Variants in RAMP3 observed in about 807,000 individuals in gnomAD.
RAMP3 encodes receptor activity modifying protein 3.
Under a neutral mutation model 13.5 loss-of-function variants are expected in RAMP3, and 14 were observed. The observed-to-expected ratio is 1.04, with a 90% CI of 0.69 to 1.63. The LOEUF (loss-of-function observed/expected upper bound fraction) is 1.63. RAMP3 is among the 40% of genes most tolerant of loss of function. RAMP3 has a pLI of 0.00. For synonymous variants in RAMP3, 106 were observed against 88.3 expected (o/e 1.20, Z -1.12); for missense variants, 200 against 204.8 (o/e 0.98, Z 0.14).
intron 1 of RAMP3, 99 bp downstream of exon 1, chr7:45,157,985 C>A: frequency 8.5e-7 from 1 of 1,170,256 alleles, no homozygotes; most frequent in Non-Finnish European, 1.1e-6. Context: ...CGCGGTCCTT[C>A]CCTTGCCCCG....
intron 1 of RAMP3, among the ~76,000 whole-genome samples, chr7:45,166,888 G>T (rs1785972089): frequency 2.0e-5 from 3 of 150,858 alleles, no homozygotes; most frequent in Admixed American, 1.3e-4. Flanking sequence ...CTATTCTTGT[G>T]CCTCAGCCTC....
intron 1 of RAMP3, 97 bp from the exon 2 acceptor site, chr7:45,177,212 G>A: frequency 1.1e-5 from 17 of 1,511,120 alleles, no homozygotes; most frequent in Non-Finnish European, 1.5e-5. Flanking sequence ...ACGGAGCCTT[G>A]CTAGTGAGTA....
At position 45,183,211 on chromosome 7, in the gene RAMP3, C is replaced by T; in HGVS notation, c.246C>T (p.Cys82=). 1 of 1,613,672 alleles carries T rather than the reference C, an allele frequency of 6.2e-7. No homozygotes were observed. Among genetic ancestry groups the T allele is most frequent in the Non-Finnish European group, 8.5e-7 (1 of 1,180,018 alleles). The change falls in exon 3 of 3, where the codon TGC becomes TGT. Residue 82 remains cysteine, a synonymous_variant. Transcript: ENST00000242249. ...CTEMEANVVG[C]YWPNPLAQGF... ...AGATGGAGGCCAATGTCGTGGGCTGCTACTGGCCCAACCCCCTGGCCCAGG... is the reference window on the plus strand; with the variant it reads ...AGATGGAGGCCAATGTCGTGGGCTGTTACTGGCCCAACCCCCTGGCCCAGG...
chr7:45,162,580 A>T (rs1223298625), intron 1 of RAMP3, among the ~76,000 whole-genome samples: 1 of 152,166 alleles, frequency 6.6e-6, no homozygotes, highest in East Asian at 1.9e-4. Context: ...GTGAGGAAGC[A>T]GCTGACCCAC....
chr7:45,183,139 C>A lies in RAMP3; in HGVS notation c.192-18C>A, dbSNP rs1300908332. On this transcript the variant is annotated intron_variant, in intron 2 of 2. Coordinates refer to ENST00000242249, the MANE Select transcript of RAMP3 (RefSeq NM_005856.3). Reference sequence around the variant, plus strand: ...GGGGATGGCGAGAGCCTGGCTTTCACCCCCTCTGCTTTTGCAGGTACTATG... The same window carrying A: ...GGGGATGGCGAGAGCCTGGCTTTCAACCCCTCTGCTTTTGCAGGTACTATG... 2 of 1,606,422 alleles carry A rather than the reference C, an allele frequency of 1.2e-6. No individual in the cohort carries two copies. The highest frequency in any genetic ancestry group is 1.7e-6 in the Non-Finnish European group (2 of 1,178,942).
chr7:45,181,309 T>C (rs1021342741), intron 2 of RAMP3, among the ~76,000 whole-genome samples: 2 of 152,224 alleles, frequency 1.3e-5, no homozygotes, highest in Admixed American at 6.5e-5. Context: ...TCCGTGGGCT[T>C]CTCCATGTGG....
chr7:45,164,249 G>A (rs745548977), intron 1 of RAMP3, among the ~76,000 whole-genome samples: 11 of 152,164 alleles, frequency 7.2e-5, no homozygotes, highest in Non-Finnish European at 1.6e-4. Context: ...ATTGAGAGAG[G>A]AGTATTCTCC....
At chr7:45,169,898 A>G (rs1786045977) in intron 1 of RAMP3, among the ~76,000 whole-genome samples, 1 of 152,216 alleles carries the variant, frequency 6.6e-6, no homozygotes, top group Non-Finnish European at 1.5e-5. Flanking sequence ...ACTTCAATAT[A>G]TCTTTTTTAG....
intron 2 of RAMP3, among the ~76,000 whole-genome samples, chr7:45,181,293 C>T (rs2128658881): frequency 6.6e-6 from 1 of 152,342 alleles, no homozygotes; most frequent in South Asian, 2.1e-4. Flanking sequence ...CTGGGATTAC[C>T]TCTGCTCCGT....
chr7:45,178,441 CCT>C (rs1410968104), intron 2 of RAMP3, among the ~76,000 whole-genome samples: 1 of 152,216 alleles, frequency 6.6e-6, no homozygotes, highest in Non-Finnish European at 1.5e-5. Flanking sequence ...CACCCCAGCC[CCT>C]GTCTTCCGTA....
At chr7:45,180,340 A>G (rs1007697048) in intron 2 of RAMP3, among the ~76,000 whole-genome samples, 3 of 152,018 alleles carry the variant, frequency 2.0e-5, no homozygotes, top group Admixed American at 6.5e-5. Flanking sequence ...AATGAAGGAC[A>G]CTCCTTTCTT....
At position 45,163,872 on chromosome 7, in the gene RAMP3, G is replaced by C. The variant is rs1785910431; in HGVS notation, c.58+5986G>C. ...CCTCCATTCCTGCAGAGATGGTATG[G>C]CTTCTCTTGAAGGGACGCCAGCTTC... On this transcript the variant is annotated intron_variant, in intron 1 of 2. Transcript: ENST00000242249. 2.1e-5 allele frequency: 21 copies of C among 985,368 alleles called. No individual in the cohort carries two copies. The South Asian group carries it at 6.1e-4, about 29-fold the overall frequency. The allele number at this position is 985,368 out of a possible 1,614,324, so 61.0% of individuals were successfully genotyped here.
In RAMP3 at chr7:45,157,873, G is replaced by A. The variant is rs1785788704; in HGVS notation, c.45G>A (p.Leu15=). The A allele has an allele frequency of 1.4e-6, 2 of 1,404,222 alleles. No homozygotes were observed. Among genetic ancestry groups the A allele is most frequent in the Non-Finnish European group, 1.8e-6 (2 of 1,088,774 alleles). The allele number at this position is 1,404,222 out of a possible 1,614,324, so 87.0% of individuals were successfully genotyped here. The change falls in exon 1 of 3, where the codon CTG becomes CTA. Residue 15 remains leucine, a synonymous_variant. Coordinates refer to ENST00000242249, the MANE Select transcript of RAMP3 (RefSeq NM_005856.3). ...GGCGCCCGCAACTTCTCCCGTTGCT[G>A]CTGCTGCTCTGCGGTAAGGGGGCGA... ...ALRRPQLLPL[L]LLLCGGCPRA... is the part of the protein sequence containing the mutation.
intron 2 of RAMP3, among the ~76,000 whole-genome samples, chr7:45,182,085 A>G (rs1015149822): frequency 6.6e-6 from 1 of 152,126 alleles, no homozygotes; most frequent in African/African-American, 2.4e-5. Flanking sequence ...CTACGCCCAG[A>G]TGATGTTCCA....
chr7:45,177,398 A>G lies in RAMP3; in HGVS notation c.148A>G (p.Lys50Glu). 2 of 1,614,088 alleles carry G rather than the reference A, an allele frequency of 1.2e-6. No homozygotes were observed. Among genetic ancestry groups the G allele is most frequent in the Non-Finnish European group, 8.5e-7 (1 of 1,179,982 alleles). ...CGKAFADMMG[K>E]VDVWKWCNLS... The stretch of plus-strand genomic sequence containing the variant: ...GAAGGCTTTCGCAGACATGATGGGC[A>G]AGGTGGACGTCTGGAAGTGGTGCAA... Residue 50 changes from lysine (K) to glutamate (E), a missense_variant, in exon 2 of 3, where the codon AAG (lysine) becomes GAG (glutamate). Coordinates refer to ENST00000242249, the MANE Select transcript of RAMP3 (RefSeq NM_005856.3).
intron 1 of RAMP3, among the ~76,000 whole-genome samples, chr7:45,168,371 A>G (rs943929362): frequency 4.5e-5 from 6 of 132,346 alleles, no homozygotes; most frequent in Non-Finnish European, 3.1e-5. Flanking sequence ...GTGCCACTGT[A>G]CTCCAGCTTG....
intron 1 of RAMP3, chr7:45,163,440 G>T (rs1477661994): frequency 2.0e-6 from 2 of 985,284 alleles, no homozygotes; most frequent in Admixed American, 6.1e-5. Context: ...ATACACAGAA[G>T]TGGGAGCTGC....
At chr7:45,166,561 C>A (rs1018000891) in intron 1 of RAMP3, among the ~76,000 whole-genome samples, 4 of 151,982 alleles carry the variant, frequency 2.6e-5, no homozygotes, top group African/African-American at 9.7e-5. Context: ...GGGTACAAGT[C>A]TTTTATCAGA....
At chr7:45,170,095 T>G (rs1458384467) in intron 1 of RAMP3, among the ~76,000 whole-genome samples, 1 of 152,136 alleles carries the variant, frequency 6.6e-6, no homozygotes, top group Non-Finnish European at 1.5e-5. Flanking sequence ...AGTCTCTCTC[T>G]TTTCTTCCTG....
Sources: gnomAD v4.1 joint callset for allele counts (sites outside exome capture counted in the v4.1 genomes callset) on GRCh38, gnomAD v4.1.1 for gene constraint, MANE v1.5 for transcripts, NCBI Gene and HGNC (gene_info 2026-07-23, HGNC 2026-07-21) for gene names.